The following UVRAG variants were observed in gnomAD, a reference collection of about 807,000 sequenced individuals.
UVRAG encodes the protein UV radiation resistance-associated gene protein.
In UVRAG, 19 loss-of-function variants were observed where a neutral mutation model predicts 78.0. The ratio of observed to expected loss-of-function variants is 0.24; its 90% CI spans 0.17 to 0.36. The LOEUF is 0.36. Among genes scored for constraint, UVRAG ranks in the 10% least tolerant of loss-of-function variants. The pLI, the probability that UVRAG is intolerant of heterozygous loss-of-function variation, is 1.00. For missense variants in UVRAG, 740 were observed against 853.8 expected (o/e 0.87, Z 1.66); for synonymous variants, 323 against 324.6 (o/e 1.00, Z 0.05).
intron 12 of UVRAG, among the ~76,000 whole-genome samples, chr11:76,028,149 A>G (rs1407898206): frequency 6.6e-6 from 1 of 152,034 alleles, no homozygotes; most frequent in African/African-American, 2.4e-5. Flanking sequence ...TATTGTGGTG[A>G]CCTATAATCA....
chr11:75,911,430 G>C (rs185152397), intron 5 of UVRAG: 1 of 162,328 alleles, frequency 6.2e-6, no homozygotes, highest in East Asian at 1.8e-4. Context: ...CCTTGGTGCT[G>C]TTGCCCCAGG....
chr11:75,995,985 G>T (rs924228706), intron 8 of UVRAG, among the ~76,000 whole-genome samples: 1 of 152,092 alleles, frequency 6.6e-6, no homozygotes, highest in African/African-American at 2.4e-5. Flanking sequence ...ACAACTTGTG[G>T]CAGGGGTATT....
rs114676344 is a variant in UVRAG at position 76,065,261 on chromosome 11, T to C, written c.1227-449T>C. 7.1e-3 allele frequency among the ~76,000 whole-genome samples: 1,089 copies of C among 152,352 alleles called. 13 individuals carry two copies. Among genetic ancestry groups the C allele is most frequent in the African/African-American group, 0.025 (1,034 of 41,578 alleles). ...GGCACTGTTGATTTCACTGGTCACC[T>C]TAAAAGAAACAGAAATCTTATATAT... On this transcript the variant is annotated intron_variant, in intron 12 of 14. Coordinates refer to ENST00000356136, the MANE Select transcript of UVRAG (RefSeq NM_003369.4).
At chr11:75,858,822 T>C (rs1399983251) in intron 2 of UVRAG, among the ~76,000 whole-genome samples, 4 of 152,228 alleles carry the variant, frequency 2.6e-5, no homozygotes, top group African/African-American at 9.6e-5. Flanking sequence ...AAGTTTGTAT[T>C]TCTCCTATTA....
intron 12 of UVRAG, among the ~76,000 whole-genome samples, chr11:76,049,637 G>C (rs1361392376): frequency 6.6e-6 from 1 of 152,210 alleles, no homozygotes; most frequent in Non-Finnish European, 1.5e-5. Flanking sequence ...ACAGGCATGG[G>C]TTGGAAGTAG....
chr11:75,824,712 C>T lies in UVRAG; in HGVS notation c.117+9188C>T, dbSNP rs371957841. On this transcript the variant is annotated intron_variant, in intron 1 of 14. Coordinates refer to ENST00000356136, the MANE Select transcript of UVRAG (RefSeq NM_003369.4). ...TTTTTGAGGCGGAGTCTCACTCTGT[C>T]GCCCAGGCTGGAGTGCAGTGGCACG... is the stretch of plus-strand genomic sequence containing the variant. Among the ~76,000 whole-genome samples, 18 of 128,308 alleles carry T rather than the reference C, an allele frequency of 1.4e-4. No homozygotes were observed. The East Asian group carries it at 2.8e-3, about 20-fold the overall frequency. 84.2% of individuals were successfully genotyped at this position (128,308 alleles called of 152,430 possible).
intron 1 of UVRAG, among the ~76,000 whole-genome samples, chr11:75,844,840 A>G (rs1038367631): frequency 2.0e-5 from 3 of 151,710 alleles, no homozygotes; most frequent in African/African-American, 7.3e-5. Context: ...TGCCCAACTA[A>G]TTTTTGTGGA....
At chr11:75,895,756 C>T (rs576030673) in intron 5 of UVRAG, among the ~76,000 whole-genome samples, 1 of 151,926 alleles carries the variant, frequency 6.6e-6, no homozygotes, top group Non-Finnish European at 1.5e-5. Flanking sequence ...GGATTACAGG[C>T]GTGAGCCACC....
At chr11:76,042,131 G>GA (rs1565133362) in intron 12 of UVRAG, among the ~76,000 whole-genome samples, 1 of 152,112 alleles carries the variant, frequency 6.6e-6, no homozygotes, top group South Asian at 2.1e-4. Flanking sequence ...TTGTACTGGT[G>GA]AAAAAATTAG....
chr11:75,923,203 T>G (rs1387250274), intron 6 of UVRAG, among the ~76,000 whole-genome samples: 2 of 151,852 alleles, frequency 1.3e-5, no homozygotes, highest in Non-Finnish European at 2.9e-5. Flanking sequence ...TTTTTTGAAA[T>G]GCCTTTCCAC....
chr11:75,977,966 G>T (rs1283844639), intron 7 of UVRAG, among the ~76,000 whole-genome samples: 1 of 152,136 alleles, frequency 6.6e-6, no homozygotes, highest in Non-Finnish European at 1.5e-5. Context: ...TCCTAGCATC[G>T]ATGATCTTTA....
In UVRAG at chr11:76,026,453, A is replaced by T. The variant is rs554218128; in HGVS notation, c.1226+9473A>T. Among the ~76,000 whole-genome samples the T allele has an allele frequency of 2.6e-5, 4 of 152,290 alleles. No homozygotes were observed. In the South Asian group the frequency reaches 8.3e-4, roughly 32 times the overall value. On this transcript the variant is annotated intron_variant, in intron 12 of 14. Coordinates refer to ENST00000356136, the MANE Select transcript of UVRAG (RefSeq NM_003369.4). ...TGATTGTTGTTTTCACTAGATTAGC[A>T]TCTGTTTGCTTTCATGGCATCCAAT...
intron 1 of UVRAG, among the ~76,000 whole-genome samples, chr11:75,834,236 A>G (rs1165177089): frequency 1.3e-5 from 2 of 152,282 alleles, no homozygotes; most frequent in Admixed American, 6.5e-5. Flanking sequence ...TCACTAGCAT[A>G]ATACAGACCC....
At chr11:75,880,461 T>G (rs1946912758) in intron 4 of UVRAG, among the ~76,000 whole-genome samples, 1 of 152,210 alleles carries the variant, frequency 6.6e-6, no homozygotes, top group Non-Finnish European at 1.5e-5. Flanking sequence ...GAGCTACTAT[T>G]TATTGAGCAC....
At chr11:75,987,025 G>A (rs1453319887) in intron 8 of UVRAG, among the ~76,000 whole-genome samples, 1 of 152,156 alleles carries the variant, frequency 6.6e-6, no homozygotes, top group Non-Finnish European at 1.5e-5. Flanking sequence ...CATTTGGGTT[G>A]TTTCCGCTTT....
rs184648884 is a variant in UVRAG at position 75,882,215 on chromosome 11, A to C, written c.432+2175A>C. On this transcript the variant is annotated intron_variant, in intron 4 of 14. Transcript: ENST00000356136. ...TAATTCTGCATTTTTTCAGGTTAAA[A>C]ATCTGAAAATCTGGGCCAGGTGTGG... Among the ~76,000 whole-genome samples the C allele has an allele frequency of 1.7e-3, 264 of 152,250 alleles. 2 individuals carry two copies. The highest frequency in any genetic ancestry group is 6.2e-3 in the African/African-American group (259 of 41,534).
At chr11:76,102,012 G>A (rs546961443) in intron 13 of UVRAG, among the ~76,000 whole-genome samples, 12 of 152,276 alleles carry the variant, frequency 7.9e-5, no homozygotes, top group East Asian at 5.8e-4. Context: ...GGTGGACAGC[G>A]TGGTGTCTCC....
intron 4 of UVRAG, among the ~76,000 whole-genome samples, chr11:75,881,039 G>A (rs1364349727): frequency 6.8e-6 from 1 of 147,098 alleles, no homozygotes; most frequent in Non-Finnish European, 1.5e-5. Context: ...AAACTCCTGG[G>A]TTCAAGTGAT....
At chr11:75,958,737 GT>G (rs1469889808) in intron 6 of UVRAG, among the ~76,000 whole-genome samples, 1 of 152,184 alleles carries the variant, frequency 6.6e-6, no homozygotes, top group Non-Finnish European at 1.5e-5. Context: ...TTTCCAGAAT[GT>G]TTTCCATTGA....
Sources: gnomAD v4.1 joint callset for allele counts (sites outside exome capture counted in the v4.1 genomes callset) on GRCh38, gnomAD v4.1.1 for gene constraint, MANE v1.5 for transcripts, NCBI Gene and HGNC (gene_info 2026-07-23, HGNC 2026-07-21) for gene names.